Variants in PITPNC1 observed in about 807,000 individuals in gnomAD.
The protein encoded by PITPNC1 is cytoplasmic phosphatidylinositol transfer protein 1.
In PITPNC1, 18 loss-of-function variants were observed where a neutral mutation model predicts 44.7. The observed-to-expected ratio is 0.40, with a 90% CI of 0.28 to 0.60. The LOEUF (loss-of-function observed/expected upper bound fraction) is 0.60. Ranked by LOEUF, PITPNC1 falls within the 20% of genes least tolerant of loss-of-function variation. The pLI is 0.39. For synonymous variants in PITPNC1, 141 were observed against 149.6 expected (o/e 0.94, Z 0.42); for missense variants, 290 against 418.4 (o/e 0.69, Z 2.68).
intron 1 of PITPNC1, among the ~76,000 whole-genome samples, chr17:67,417,773 T>A (rs1286557089): frequency 6.6e-6 from 1 of 152,102 alleles, no homozygotes; most frequent in Non-Finnish European, 1.5e-5. Context: ...CTGGGTGCGG[T>A]GGCTCCTGTC....
Position 67,415,094 on chromosome 17 carries a change from G to C in PITPNC1, c.48+36892G>C, listed in dbSNP as rs116072807. On this transcript the variant is annotated intron_variant, in intron 1 of 8. Transcript: ENST00000581322. ...AGGGTTTCATCATGTTCACCAGGCT[G>C]GTCTCGAACTCCTGAACTCAAGCCA... Among the ~76,000 whole-genome samples, 734 of 152,078 alleles carry C rather than the reference G, an allele frequency of 4.8e-3. 5 individuals carry two copies. Among genetic ancestry groups the C allele is most frequent in the African/African-American group, 0.017 (703 of 41,488 alleles).
At chr17:67,621,108 C>T (rs983963897) in intron 5 of PITPNC1, among the ~76,000 whole-genome samples, 1 of 152,026 alleles carries the variant, frequency 6.6e-6, no homozygotes, top group South Asian at 2.1e-4. Flanking sequence ...TCTTGGACCC[C>T]GACCATTATG....
rs968526427 is a variant in PITPNC1, at chr17:67,553,600, G to A, written c.287-10G>A. ...TTTCCTCTCTTCTTCAAATGAACAT[G>A]TGGAAACAGAATACACAGTAAGTTC... is the stretch of plus-strand genomic sequence containing the variant. On this transcript the variant is annotated splice_polypyrimidine_tract_variant and intron_variant, in intron 3 of 8. Transcript: ENST00000581322. 1.6e-6 allele frequency: 2 copies of A among 1,221,156 alleles called. No individual in the cohort carries two copies. Among genetic ancestry groups the A allele is most frequent in the East Asian group, 2.7e-5 (1 of 37,582 alleles). 75.6% of individuals were successfully genotyped at this position (1,221,156 alleles called of 1,614,324 possible). A position where few individuals can be genotyped will look rare whatever the true frequency, so the allele number is the denominator to read the frequency against.
chr17:67,684,296 A>G (rs1193633972), intron 8 of PITPNC1, among the ~76,000 whole-genome samples: 1 of 151,874 alleles, frequency 6.6e-6, no homozygotes, highest in Non-Finnish European at 1.5e-5. Flanking sequence ...TATTTTTAGT[A>G]GAGACAGGGT....
At chr17:67,413,544 C>T (rs527636965) in intron 1 of PITPNC1, among the ~76,000 whole-genome samples, 4 of 152,086 alleles carry the variant, frequency 2.6e-5, no homozygotes, top group African/African-American at 4.8e-5. Flanking sequence ...CTGCTGTGCC[C>T]GGGCCCTGAG....
chr17:67,514,560 T>C (rs951556853), intron 1 of PITPNC1, among the ~76,000 whole-genome samples: 3 of 151,226 alleles, frequency 2.0e-5, no homozygotes, highest in African/African-American at 4.9e-5. Context: ...TGCGGTGGCT[T>C]ATGCCTGTAA....
intron 6 of PITPNC1, among the ~76,000 whole-genome samples, chr17:67,668,533 G>T (rs1333105233): frequency 6.6e-6 from 1 of 151,744 alleles, no homozygotes; most frequent in Non-Finnish European, 1.5e-5. Flanking sequence ...GACCAGCCTG[G>T]GCAACATAGT....
At chr17:67,514,041 T>C (rs1331730138) in intron 1 of PITPNC1, among the ~76,000 whole-genome samples, 1 of 150,240 alleles carries the variant, frequency 6.7e-6, no homozygotes, top group Non-Finnish European at 1.5e-5. Flanking sequence ...AGTGGGAGTA[T>C]CTGTGTAGGT....
intron 8 of PITPNC1, 140 bp from the exon 9 acceptor site, chr17:67,692,432 T>C: frequency 3.2e-6 from 2 of 631,082 alleles, no homozygotes; most frequent in Non-Finnish European, 2.8e-6. Flanking sequence ...GGTATTTCAA[T>C]GATACTTTGG....
chr17:67,465,183 T>TA (rs776694635), intron 1 of PITPNC1, among the ~76,000 whole-genome samples: 5 of 152,222 alleles, frequency 3.3e-5, no homozygotes, highest in Non-Finnish European at 7.3e-5. Flanking sequence ...TTGTTGAACA[T>TA]ACACCTGTCT....
At chr17:67,601,076 G>A (rs2041533126) in intron 5 of PITPNC1, among the ~76,000 whole-genome samples, 1 of 152,054 alleles carries the variant, frequency 6.6e-6, no homozygotes, top group East Asian at 1.9e-4. Flanking sequence ...TTTGCCCAAG[G>A]TCACACAACT....
At chr17:67,524,793 C>T in intron 1 of PITPNC1, 1 of 1,932 alleles carries the variant, frequency 5.2e-4, no homozygotes, top group Non-Finnish European at 7.7e-4. Flanking sequence ...GACGGAGTCT[C>T]GCTCTGTCGC....
chr17:67,561,424 C>G (rs2040905315), intron 4 of PITPNC1, among the ~76,000 whole-genome samples: 1 of 151,834 alleles, frequency 6.6e-6, no homozygotes. Flanking sequence ...CCATTGCACT[C>G]CAGCCTGGGT....
chr17:67,691,905 G>C (rs1485246615), intron 8 of PITPNC1, among the ~76,000 whole-genome samples: 1 of 151,916 alleles, frequency 6.6e-6, no homozygotes, highest in Non-Finnish European at 1.5e-5. Context: ...GCCTCACGGG[G>C]CCCTAATGCA....
chr17:67,452,664 T>C (rs12948322), intron 1 of PITPNC1, among the ~76,000 whole-genome samples: 59,658 of 151,656 alleles, frequency 0.39, 13,130 homozygotes, highest in Non-Finnish European at 0.51. Flanking sequence ...AGCTAATTTT[T>C]GTATTTTTAG....
intron 5 of PITPNC1, among the ~76,000 whole-genome samples, chr17:67,602,209 A>C (rs948723036): frequency 1.3e-5 from 2 of 152,204 alleles, no homozygotes; most frequent in African/African-American, 2.4e-5. Flanking sequence ...TCAGCAAAGT[A>C]TGGAAAAATT....
rs1008424516 is a variant in PITPNC1 at position 67,377,671 on chromosome 17, A to C, written c.-484A>C. The stretch of plus-strand genomic sequence containing the variant: ...CCGGCTGCAATGTGTTCCTGGTGAC[A>C]TTAGCATCGGGCAGACCCGCCGGAG... On this transcript the variant is annotated 5_prime_UTR_variant, in exon 1 of 9. Transcript: ENST00000581322. The C allele has an allele frequency of 6.5e-6, 1 of 153,406 alleles. No individual in the cohort carries two copies. The highest frequency in any genetic ancestry group is 1.5e-5 in the Non-Finnish European group (1 of 68,836). 9.5% of individuals were successfully genotyped at this position (153,406 alleles called of 1,614,324 possible).
chr17:67,586,598 G>GAA (rs111765556), intron 5 of PITPNC1, among the ~76,000 whole-genome samples: 2 of 146,528 alleles, frequency 1.4e-5, no homozygotes, highest in Non-Finnish European at 3.0e-5. Context: ...TCCATCTCAG[G>GAA]AAAAAAAAAA....
intron 1 of PITPNC1, among the ~76,000 whole-genome samples, chr17:67,426,464 T>C (rs567940450): frequency 1.3e-5 from 2 of 152,274 alleles, no homozygotes; most frequent in South Asian, 4.1e-4. Flanking sequence ...TGCAGGAACA[T>C]GGATGAAGCT....
Sources: gnomAD v4.1 joint callset for allele counts (sites outside exome capture counted in the v4.1 genomes callset) on GRCh38, gnomAD v4.1.1 for gene constraint, MANE v1.5 for transcripts, NCBI Gene and HGNC (gene_info 2026-07-23, HGNC 2026-07-21) for gene names.